The following SVOPL variants were observed in gnomAD, a reference collection of about 807,000 sequenced individuals.
The protein encoded by SVOPL is putative transporter SVOPL.
In SVOPL, 60 loss-of-function variants were observed where a neutral mutation model predicts 61.0. That is an observed-to-expected ratio of 0.98 (90% CI 0.80 to 1.22). SVOPL has a LOEUF of 1.22. Among genes scored for constraint, SVOPL ranks in the 50% most tolerant of loss-of-function variants. The pLI, the probability that SVOPL is intolerant of heterozygous loss-of-function variation, is 0.00. For missense variants in SVOPL, 662 were observed against 643.9 expected (o/e 1.03, Z -0.30); for synonymous variants, 279 against 250.0 (o/e 1.12, Z -1.09).
At chr7:138,633,894 G>A (rs900088891) in intron 9 of SVOPL, among the ~76,000 whole-genome samples, 1 of 152,128 alleles carries the variant, frequency 6.6e-6, no homozygotes, top group Non-Finnish European at 1.5e-5. Flanking sequence ...GAACACCCAG[G>A]GAAGCCCACC....
intron 13 of SVOPL, among the ~76,000 whole-genome samples, chr7:138,621,962 GTATC>G (rs1327248515): frequency 1.4e-3 from 3 of 2,124 alleles, no homozygotes; most frequent in Non-Finnish European, 4.6e-3. Context: ...ATCTATCTAT[GTATC>G]TATCTATGTA....
At chr7:138,679,165 T>C in intron 1 of SVOPL, 86 bp from the exon 2 acceptor site, 1 of 916,374 alleles carries the variant, frequency 1.1e-6, no homozygotes, top group Non-Finnish European at 1.6e-6. Flanking sequence ...CACACAAAAT[T>C]TCCTGAAGCC....
intron 14 of SVOPL, among the ~76,000 whole-genome samples, chr7:138,618,148 T>A (rs1043791784): frequency 6.6e-5 from 10 of 152,176 alleles, no homozygotes; most frequent in African/African-American, 2.2e-4. Flanking sequence ...GCACAGAAAT[T>A]GATACAACAA....
chr7:138,676,978 A>G (rs1040941071), intron 3 of SVOPL, among the ~76,000 whole-genome samples: 1 of 140,382 alleles, frequency 7.1e-6, no homozygotes, highest in Non-Finnish European at 1.5e-5. Flanking sequence ...ATCGCAGCTC[A>G]CTGCAACCTC....
At chr7:138,684,479 C>T (rs759365348) in intron 1 of SVOPL, among the ~76,000 whole-genome samples, 12 of 152,220 alleles carry the variant, frequency 7.9e-5, no homozygotes, top group Middle Eastern at 3.4e-3. Flanking sequence ...TACAAATTGC[C>T]GATAGGCAGC....
intron 7 of SVOPL, among the ~76,000 whole-genome samples, chr7:138,651,961 G>T (rs561675740): frequency 1.3e-5 from 2 of 152,012 alleles, no homozygotes; most frequent in African/African-American, 2.4e-5. Flanking sequence ...ATGCAGTGGC[G>T]CAATCACGGC....
intron 14 of SVOPL, among the ~76,000 whole-genome samples, chr7:138,606,606 G>C (rs1401550641): frequency 6.6e-6 from 1 of 152,086 alleles, no homozygotes; most frequent in Admixed American, 6.5e-5. Flanking sequence ...ATTGGGCCTT[G>C]CTCCCTTCTC....
At chr7:138,692,376 C>T (rs1020469439) in intron 1 of SVOPL, among the ~76,000 whole-genome samples, 6 of 152,012 alleles carry the variant, frequency 3.9e-5, no homozygotes, top group African/African-American at 1.5e-4. Flanking sequence ...CCAGAAGCAC[C>T]CCACCTGCTG....
intron 14 of SVOPL, among the ~76,000 whole-genome samples, chr7:138,617,241 A>C (rs1461256649): frequency 6.6e-6 from 1 of 152,138 alleles, no homozygotes; most frequent in Non-Finnish European, 1.5e-5. Flanking sequence ...AAGTGCTGGG[A>C]TTACAGGTGT....
intron 9 of SVOPL, among the ~76,000 whole-genome samples, chr7:138,643,436 A>AAAAAAAAAG (rs1367487939): frequency 7.9e-5 from 12 of 151,504 alleles, no homozygotes; most frequent in Non-Finnish European, 1.3e-4. Flanking sequence ...AAAAAAAAAA[A>AAAAAAAAAG]AAAAAAGAAA....
At chr7:138,619,843 T>C (rs1464926757) in intron 14 of SVOPL, among the ~76,000 whole-genome samples, 1 of 152,080 alleles carries the variant, frequency 6.6e-6, no homozygotes. Flanking sequence ...AGCTAATCAG[T>C]GTCTTCCAGA....
At chr7:138,635,225 T>C (rs1800411977) in intron 9 of SVOPL, among the ~76,000 whole-genome samples, 1 of 150,950 alleles carries the variant, frequency 6.6e-6, no homozygotes, top group Non-Finnish European at 1.5e-5. Flanking sequence ...TGAGCCAAGA[T>C]TGCACCATTG....
intron 10 of SVOPL, among the ~76,000 whole-genome samples, chr7:138,629,795 G>A (rs1800088756): frequency 2.0e-5 from 3 of 152,218 alleles, no homozygotes; most frequent in Non-Finnish European, 2.9e-5. Flanking sequence ...GTTAGGAAGT[G>A]AACTCATATG....
chr7:138,614,541 G>A lies in SVOPL; in HGVS notation c.1353+6505C>T, dbSNP rs549693854. Among the ~76,000 whole-genome samples, 9 of 152,052 alleles carry A rather than the reference G, an allele frequency of 5.9e-5. No homozygotes were observed. In the Middle Eastern group the frequency reaches 0.017, roughly 287 times the overall value. On this transcript the variant is annotated intron_variant, in intron 14 of 15. Coordinates refer to ENST00000674285, the MANE Select transcript of SVOPL (RefSeq NM_001139456.2). ...CTCCTGAGTAGCTGGGATTGCAGAC[G>A]TGTGCCACCATACCTGGCTAATTTT...
At chr7:138,656,741 C>G (rs1410845440) in intron 6 of SVOPL, among the ~76,000 whole-genome samples, 1 of 152,144 alleles carries the variant, frequency 6.6e-6, no homozygotes, top group Admixed American at 6.5e-5. Flanking sequence ...AACCTTCTAA[C>G]ACTTAAGAAA....
chr7:138,614,694 C>G (rs1563090016), intron 14 of SVOPL, among the ~76,000 whole-genome samples: 1 of 152,110 alleles, frequency 6.6e-6, no homozygotes, highest in African/African-American at 2.4e-5. Context: ...CCACGCCCGG[C>G]TGGCATTTGA....
chr7:138,677,360 T>A (rs1216742739), intron 3 of SVOPL, among the ~76,000 whole-genome samples: 1 of 152,172 alleles, frequency 6.6e-6, no homozygotes, highest in Non-Finnish European at 1.5e-5. Context: ...CCCAAATTCC[T>A]GTCTAAGGGG....
At chr7:138,612,436 T>TAAAAAA (rs60800575) in intron 14 of SVOPL, among the ~76,000 whole-genome samples, 11 of 17,844 alleles carry the variant, frequency 6.2e-4, no homozygotes, top group Non-Finnish European at 1.0e-3. Context: ...AAATAAAAAA[T>TAAAAAA]AAAAAAAAAA....
chr7:138,628,301 TC>T lies in SVOPL; in HGVS notation c.925del (p.Asp309ThrfsTer14). The T allele has an allele frequency of 6.2e-7, 1 of 1,613,806 alleles. No homozygotes were observed. The highest frequency in any genetic ancestry group is 8.5e-7 in the Non-Finnish European group (1 of 1,179,952). On this transcript the variant is annotated frameshift_variant, in exon 11 of 16. Coordinates refer to ENST00000674285, the MANE Select transcript of SVOPL (RefSeq NM_001139456.2). LOFTEE classifies it high-confidence loss of function. Reference protein sequence around the residue: ...ILASAELLERDLVCGSKSDSA... With the variant: ...ILASAELLERXLVCGSKSDSA... ...GTCTGACTTTGAACCACAGACCAAG[TC>T]CCGCTCCAGCAGCTCAGCACTGGCC...
Sources: allele counts gnomAD v4.1 joint callset (sites outside exome capture counted in the v4.1 genomes callset), GRCh38; gene constraint gnomAD v4.1.1; transcripts MANE v1.5; gene names NCBI Gene and HGNC (gene_info 2026-07-23, HGNC 2026-07-21).